Variants in ATP2B2 observed in about 807,000 individuals in gnomAD.
ATP2B2 encodes ATPase plasma membrane Ca2+ transporting 2, also known as plasma membrane calcium-transporting ATPase 2.
In ATP2B2, 15 loss-of-function variants were observed where a neutral mutation model predicts 120.0. The observed-to-expected ratio is 0.12, with a 90% CI of 0.08 to 0.19. ATP2B2 has a LOEUF of 0.19. Ranked by LOEUF, ATP2B2 falls within the 10% of genes least tolerant of loss-of-function variation. The pLI is 1.00. For synonymous variants in ATP2B2, 694 were observed against 700.3 expected (o/e 0.99, Z 0.14); for missense variants, 1,045 against 1,719.8 (o/e 0.61, Z 6.94).
At position 10,340,354 on chromosome 3, in the gene ATP2B2, AGG is replaced by A; in HGVS notation, c.3130-7_3130-6del. 1 of 1,614,002 alleles carries A rather than the reference AGG, an allele frequency of 6.2e-7. No individual in the cohort carries two copies. Among genetic ancestry groups the A allele is most frequent in the Non-Finnish European group, 8.5e-7 (1 of 1,179,926 alleles). ...TCCAAACTGCACGATCACTATCTGG[AGG>A]TCACAGGGGAGCAGAGAAAGAGAGA... On this transcript the variant is annotated splice_polypyrimidine_tract_variant and splice_region_variant and intron_variant, in intron 20 of 22. Transcript: ENST00000360273. The surrounding 1 kb of genome is among the most constrained non-coding windows in gnomAD (Gnocchi z 5.0).
rs962338733 is a variant in ATP2B2, at chr3:10,327,412, T to A, written c.*1402A>T. ...ATAAGGTTCATTCGGATCTAAATAG[T>A]GCAGAGAAAAAGGCTATTCTTCTTC... On this transcript the variant is annotated 3_prime_UTR_variant, in exon 23 of 23. Transcript: ENST00000360273. 1 of 152,570 alleles carries A rather than the reference T, an allele frequency of 6.6e-6. No individual in the cohort carries two copies. The highest frequency in any genetic ancestry group is 2.4e-5 in the African/African-American group (1 of 41,414). The allele number at this position is 152,570 out of a possible 1,614,324, so 9.5% of individuals were successfully genotyped here. A position where few individuals can be genotyped will look rare whatever the true frequency, so the allele number is the denominator to read the frequency against.
rs551786698 is a variant in ATP2B2, at chr3:10,690,375, G to T, written c.-460+17540C>A. ...CCGGCATAGACAGAGCAATCAGATA[G>T]AGATAGAGAGATGGATAGAGAGCTA... is the stretch of plus-strand genomic sequence containing the variant. On this transcript the variant is annotated intron_variant, in intron 1 of 21. Coordinates refer to the ATP2B2 transcript ENST00000646379. 2.0e-4 allele frequency among the ~76,000 whole-genome samples: 30 copies of T among 152,240 alleles called. No homozygotes were observed. The South Asian group carries it at 6.2e-3, about 32-fold the overall frequency.
At chr3:10,576,631 C>T (rs540484066) in intron 2 of ATP2B2, among the ~76,000 whole-genome samples, 43 of 152,154 alleles carry the variant, frequency 2.8e-4, no homozygotes, top group African/African-American at 8.9e-4. Context: ...CCTCCTGCCT[C>T]GGCCTCCCAA....
At chr3:10,583,896 TCAG>T (rs2068447713) in intron 2 of ATP2B2, among the ~76,000 whole-genome samples, 2 of 152,120 alleles carry the variant, frequency 1.3e-5, no homozygotes, top group African/African-American at 4.8e-5. Flanking sequence ...CAGAAACAAC[TCAG>T]CAAATACTGG....
At chr3:10,403,373 A>C (rs1051634596) in intron 3 of ATP2B2, among the ~76,000 whole-genome samples, 4 of 152,204 alleles carry the variant, frequency 2.6e-5, no homozygotes, top group Non-Finnish European at 4.4e-5. Context: ...TCTAGGCCCC[A>C]AAAACTCTCG....
intron 2 of ATP2B2, among the ~76,000 whole-genome samples, chr3:10,576,870 C>T (rs1285768958): frequency 1.3e-5 from 2 of 151,940 alleles, no homozygotes; most frequent in Non-Finnish European, 2.9e-5. Flanking sequence ...CGAGACCAGC[C>T]TGGTCAATAT....
At chr3:10,498,173 GAGGC>G (rs1263631181) in intron 1 of ATP2B2, among the ~76,000 whole-genome samples, 1 of 152,232 alleles carries the variant, frequency 6.6e-6, no homozygotes, top group Non-Finnish European at 1.5e-5. Context: ...ACGGCCTGAT[GAGGC>G]AGGCAGTGTT....
intron 2 of ATP2B2, among the ~76,000 whole-genome samples, chr3:10,438,194 A>G (rs2063538952): frequency 1.3e-5 from 2 of 152,136 alleles, no homozygotes. Flanking sequence ...TGGTCCTTGA[A>G]GGCCCTTCCA....
At chr3:10,381,914 C>T (rs554693969) in intron 8 of ATP2B2, among the ~76,000 whole-genome samples, 4 of 152,290 alleles carry the variant, frequency 2.6e-5, no homozygotes, top group Admixed American at 6.5e-5. Flanking sequence ...AGACCACTAC[C>T]TGGGAGACTT....
chr3:10,480,311 G>C lies in ATP2B2; in HGVS notation c.-320+25154C>G, dbSNP rs1290006206. 3.3e-5 allele frequency among the ~76,000 whole-genome samples: 5 copies of C among 152,296 alleles called. No homozygotes were observed. The East Asian group carries it at 7.7e-4, about 23-fold the overall frequency. On this transcript the variant is annotated intron_variant, in intron 1 of 22. Transcript: ENST00000360273. ...ACAGCGTTGCTGGATTAGAAAAGATGATGCATATGAAAGTGTCGAGCACCA... is the reference window on the plus strand; with the variant it reads ...ACAGCGTTGCTGGATTAGAAAAGATCATGCATATGAAAGTGTCGAGCACCA...
intron 2 of ATP2B2, among the ~76,000 whole-genome samples, chr3:10,613,450 G>T (rs1270319654): frequency 2.0e-5 from 3 of 152,012 alleles, no homozygotes; most frequent in African/African-American, 7.3e-5. Context: ...CATCTAAGTG[G>T]GGGCAGTCTT....
At chr3:10,505,698 C>T (rs1266216344), upstream of ATP2B2, 1 of 134,418 alleles carries the variant, frequency 7.4e-6, no homozygotes, top group Non-Finnish European at 1.6e-5. Context: ...CCGCCCCTGC[C>T]GCTGCCGGAG....
intron 1 of ATP2B2, among the ~76,000 whole-genome samples, chr3:10,643,518 G>A (rs1429419398): frequency 6.6e-6 from 1 of 152,150 alleles, no homozygotes; most frequent in African/African-American, 2.4e-5. Context: ...CACCTTGTCC[G>A]GATGGTCAAA....
intron 1 of ATP2B2, among the ~76,000 whole-genome samples, chr3:10,491,291 T>C (rs946812341): frequency 1.7e-4 from 25 of 150,288 alleles, no homozygotes; most frequent in Non-Finnish European, 3.1e-4. Context: ...AGTGGCACCA[T>C]CTTGGCCCAC....
chr3:10,672,081 A>G (rs1575610292), intron 1 of ATP2B2, among the ~76,000 whole-genome samples: 1 of 152,222 alleles, frequency 6.6e-6, no homozygotes, highest in Non-Finnish European at 1.5e-5. Flanking sequence ...ACAGCCATGC[A>G]AACAATTGAT....
chr3:10,346,617 C>A lies in ATP2B2; in HGVS notation c.2405-480G>T, dbSNP rs1195862797. On this transcript the variant is annotated intron_variant, in intron 16 of 22. Transcript: ENST00000360273. The surrounding 1 kb of genome is among the most constrained non-coding windows in gnomAD (Gnocchi z 4.1). ...TCATTTGCCAGTGACCTCTGCCCCA[C>A]CATTCTGGCCCTGACCTCCCTCCAG... Among the ~76,000 whole-genome samples, 2 of 152,248 alleles carry A rather than the reference C, an allele frequency of 1.3e-5. No homozygotes were observed. The highest frequency in any genetic ancestry group is 2.4e-5 in the African/African-American group (1 of 41,468).
chr3:10,633,915 A>G (rs2069945248), intron 1 of ATP2B2, among the ~76,000 whole-genome samples: 1 of 152,150 alleles, frequency 6.6e-6, no homozygotes, highest in Non-Finnish European at 1.5e-5. Context: ...ATTCCTTCCC[A>G]GCTAAGGGTG....
chr3:10,627,269 CG>C (rs1229400559), intron 1 of ATP2B2, among the ~76,000 whole-genome samples: 1 of 152,198 alleles, frequency 6.6e-6, no homozygotes, highest in South Asian at 2.1e-4. Context: ...AAGTGGTCCC[CG>C]GGGGCAGCAT....
chr3:10,424,317 G>A (rs2063081420), intron 2 of ATP2B2, among the ~76,000 whole-genome samples: 1 of 152,216 alleles, frequency 6.6e-6, no homozygotes, highest in South Asian at 2.1e-4. Flanking sequence ...GCTCCGAACT[G>A]TACTGTCTTC....
Sources: gnomAD v4.1 joint callset for allele counts (sites outside exome capture counted in the v4.1 genomes callset) on GRCh38, gnomAD v4.1.1 for gene constraint, Gnocchi (gnomAD v3.1) non-coding constraint, MANE v1.5 for transcripts, NCBI Gene and HGNC (gene_info 2026-07-23, HGNC 2026-07-21) for gene names.